COL27A1: variants seen among roughly 807,000 people sequenced by gnomAD.
COL27A1 encodes collagen alpha-1(XXVII) chain.
A neutral mutation model predicts 251.3 loss-of-function variants in COL27A1; 106 were observed. The observed-to-expected ratio is 0.42, with a 90% CI of 0.36 to 0.50. The LOEUF is 0.50. COL27A1 is among the 20% of genes least tolerant of loss of function. The pLI is 0.00. For synonymous variants in COL27A1, 1,000 were observed against 986.3 expected, an observed-to-expected ratio of 1.01 and a Z score of -0.26; for missense variants, 2,325 against 2,522.8, an observed-to-expected ratio of 0.92 and a Z score of 1.68.
intron 5 of COL27A1, among the ~76,000 whole-genome samples, chr9:114,188,403 C>G (rs1396284108): frequency 6.6e-6 from 1 of 152,070 alleles, no homozygotes; most frequent in African/African-American, 2.4e-5. Flanking sequence ...GTCTCATCTC[C>G]CACCTCACTA....
intron 7 of COL27A1, among the ~76,000 whole-genome samples, chr9:114,199,413 T>C (rs538910080): frequency 6.6e-6 from 1 of 152,200 alleles, no homozygotes; most frequent in South Asian, 2.1e-4. Context: ...CCTGGCCCCA[T>C]CCAATCCCAT....
intron 24 of COL27A1, among the ~76,000 whole-genome samples, chr9:114,249,533 C>T (rs941346920): frequency 6.6e-6 from 1 of 152,194 alleles, no homozygotes; most frequent in African/African-American, 2.4e-5. Context: ...GCGGACATCC[C>T]AGGCTGCAGC....
chr9:114,168,592 G>C lies in COL27A1; in HGVS notation c.1037G>C (p.Arg346Thr), dbSNP rs769865569. 6.2e-7 allele frequency: 1 copy of C among 1,614,056 alleles called. No individual in the cohort carries two copies. The highest frequency in any genetic ancestry group is 8.5e-7 in the Non-Finnish European group (1 of 1,179,972). The stretch of plus-strand genomic sequence containing the variant: ...CCAGCCTCTGTTGGCGGCTCTACCA[G>C]AACGCCTCGCCCTGCGGCCGCTCAA... ...MLPASVGGST[R>T]TPRPAAAQPS... The change falls in exon 3 of 61, where the codon AGA (arginine) becomes ACA (threonine). Residue 346 changes from arginine (R) to threonine (T), a missense_variant. Transcript: ENST00000356083.
At position 114,312,324 on chromosome 9, in the gene COL27A1, G is replaced by A. The variant is rs183405067; in HGVS notation, c.*1629G>A. ...TGGAAGTGCGTGTTTGTAGCAGCTC[G>A]GGCCTCATCTCAGCGCTCGGATCCC... is the stretch of plus-strand genomic sequence containing the variant. On this transcript the variant is annotated 3_prime_UTR_variant, in exon 61 of 61. Transcript: ENST00000356083. 7.5e-3 allele frequency: 1,145 copies of A among 152,238 alleles called. 8 individuals carry two copies. Among genetic ancestry groups the A allele is most frequent in the Non-Finnish European group, 0.012 (794 of 68,024 alleles). The allele number at this position is 152,238 out of a possible 1,614,324, so 9.4% of individuals were successfully genotyped here. A position where few individuals can be genotyped will look rare whatever the true frequency, so the allele number is the denominator to read the frequency against.
rs191578167 is a variant in COL27A1, at chr9:114,173,014, C to T, written c.1908+3551C>T. ...CAAACCTGCTCCTCGGGGTTCAGGGCACGAGAGCAACTGGCAGAGGCAGAG... is the reference window on the plus strand; with the variant it reads ...CAAACCTGCTCCTCGGGGTTCAGGGTACGAGAGCAACTGGCAGAGGCAGAG... On this transcript the variant is annotated intron_variant, in intron 3 of 60. Transcript: ENST00000356083. Among the ~76,000 whole-genome samples, 5 of 152,352 alleles carry T rather than the reference C, an allele frequency of 3.3e-5. No homozygotes were observed. The East Asian group carries it at 9.7e-4, about 29-fold the overall frequency.
rs553965515 is a variant in COL27A1 at position 114,181,084 on chromosome 9, G to T, written c.1963-1938G>T. On this transcript the variant is annotated intron_variant, in intron 4 of 60. Transcript: ENST00000356083. The stretch of plus-strand genomic sequence containing the variant: ...GACCTGGTTAGACCCCACAAGCCTG[G>T]GCTGGGGTGAACATCGGAGGGTGTT... 2.9e-4 allele frequency among the ~76,000 whole-genome samples: 44 copies of T among 152,320 alleles called. No individual in the cohort carries two copies. In the South Asian group the frequency reaches 8.3e-3, roughly 29 times the overall value.
At chr9:114,284,845 G>A (rs567471830) in intron 41 of COL27A1, 68 bp downstream of exon 41, 1 of 1,539,104 alleles carries the variant, frequency 6.5e-7, no homozygotes, top group African/African-American at 1.4e-5. Flanking sequence ...TTCAGGGCCA[G>A]CAGGAGAAAG....
intron 57 of COL27A1, 118 bp from the exon 58 acceptor site, chr9:114,306,402 G>A (rs1195761337): frequency 1.0e-6 from 1 of 1,004,066 alleles, no homozygotes; most frequent in Non-Finnish European, 1.5e-6. Context: ...CCGTGCTCTA[G>A]CCATGACCGT....
At chr9:114,222,482 G>A (rs995084184) in intron 14 of COL27A1, among the ~76,000 whole-genome samples, 1 of 152,124 alleles carries the variant, frequency 6.6e-6, no homozygotes, top group African/African-American at 2.4e-5. Context: ...GCTGAGGGAG[G>A]AGAGCCCTGC....
intron 17 of COL27A1, 123 bp downstream of exon 17, chr9:114,235,775 A>T: frequency 1.3e-6 from 1 of 753,340 alleles, no homozygotes; most frequent in Non-Finnish European, 2.4e-6. Context: ...CTGCCCTCGA[A>T]ATAATCCAGT....
intron 14 of COL27A1, among the ~76,000 whole-genome samples, chr9:114,230,791 C>T (rs900898242): frequency 8.6e-5 from 13 of 151,990 alleles, no homozygotes; most frequent in African/African-American, 2.4e-4. Flanking sequence ...ATCCCTGATA[C>T]GGGGTAAAGA....
intron 27 of COL27A1, among the ~76,000 whole-genome samples, chr9:114,253,311 GAA>G (rs1833679514): frequency 2.0e-5 from 3 of 148,614 alleles, no homozygotes; most frequent in East Asian, 3.9e-4. Flanking sequence ...AAGAAAGAAA[GAA>G]AGAAAGAGAG....
At position 114,219,822 on chromosome 9, in the gene COL27A1, C is replaced by T. The variant is rs150829647; in HGVS notation, c.2399C>T (p.Pro800Leu). The T allele has an allele frequency of 1.9e-6, 3 of 1,611,464 alleles. No individual in the cohort carries two copies. The highest frequency in any genetic ancestry group is 1.3e-5 in the African/African-American group (1 of 74,852). ...GFPGVFGERG[P>L]PGLDGNPGEL... is the part of the protein sequence containing the mutation. ...CCTGGAGTCTTTGGGGAAAGAGGCCCTCCTGGACTGGATGGAAATCCTGTG... is the reference window on the plus strand; with the variant it reads ...CCTGGAGTCTTTGGGGAAAGAGGCCTTCCTGGACTGGATGGAAATCCTGTG... Residue 800 changes from proline (P) to leucine (L), a missense_variant, in exon 13 of 61, where the codon CCT (proline) becomes CTT (leucine). This residue lies in a region of COL27A1 where 1,183 missense variants were observed against 1,144.1 expected (regional missense o/e 1.03). Coordinates refer to ENST00000356083, the MANE Select transcript of COL27A1 (RefSeq NM_032888.4).
intron 12 of COL27A1, among the ~76,000 whole-genome samples, chr9:114,218,951 G>GT (rs10710008): frequency 0.014 from 2,030 of 147,838 alleles, 55 homozygotes; most frequent in African/African-American, 0.048. Context: ...CATGTGCTTT[G>GT]TTTTTTTTTT....
chr9:114,302,763 G>A (rs1034753064), intron 56 of COL27A1, among the ~76,000 whole-genome samples: 3 of 150,384 alleles, frequency 2.0e-5, no homozygotes, highest in Non-Finnish European at 3.0e-5. Flanking sequence ...GGGCCAGGGG[G>A]GCAGATTGGG....
In COL27A1 at chr9:114,218,910, CAT is replaced by C. The variant is rs374601578; in HGVS notation, c.2368-879_2368-878del. ...CATGAGGAATGTTTACCATTTGAAT[CAT>C]AGCCCCAGCATTCACTTGGTCAGGA... On this transcript the variant is annotated intron_variant, in intron 12 of 60. Transcript: ENST00000356083. 4.9e-3 allele frequency among the ~76,000 whole-genome samples: 741 copies of C among 151,500 alleles called. 9 individuals are homozygous for C. The highest frequency in any genetic ancestry group is 0.017 in the African/African-American group (705 of 41,268).
At chr9:114,254,301 G>A (rs1055411692) in intron 27 of COL27A1, among the ~76,000 whole-genome samples, 6 of 151,658 alleles carry the variant, frequency 4.0e-5, no homozygotes, top group Non-Finnish European at 8.8e-5. Flanking sequence ...GGCTGGGAGA[G>A]CTGGGGGAAG....
intron 16 of COL27A1, among the ~76,000 whole-genome samples, chr9:114,232,555 G>T (rs913784859): frequency 1.3e-5 from 2 of 152,222 alleles, no homozygotes; most frequent in South Asian, 2.1e-4. Flanking sequence ...ACCCCCGAAG[G>T]GGGTGCAGGA....
At chr9:114,278,200 G>A (rs1835622764) in intron 37 of COL27A1, among the ~76,000 whole-genome samples, 1 of 150,124 alleles carries the variant, frequency 6.7e-6, no homozygotes, top group Non-Finnish European at 1.5e-5. Context: ...AATGGTAGTG[G>A]TGGTAATGAC....
Sources: allele counts gnomAD v4.1 joint callset (sites outside exome capture counted in the v4.1 genomes callset), GRCh38; gene constraint gnomAD v4.1.1; regional missense constraint gnomAD v4.1.1; transcripts MANE v1.5; gene names NCBI Gene and HGNC (gene_info 2026-07-23, HGNC 2026-07-21).